Variants in MCTP1 observed in about 807,000 individuals in gnomAD.
MCTP1 encodes multiple C2 and transmembrane domain-containing protein 1.
In MCTP1, 69 loss-of-function variants were observed where a neutral mutation model predicts 120.6. That is an observed-to-expected ratio of 0.57 (90% confidence interval 0.47 to 0.70). The LOEUF (loss-of-function observed/expected upper bound fraction) is 0.70, where lower values mean the gene tolerates loss of function less well. MCTP1 is among the 30% of genes least tolerant of loss of function. MCTP1 has a pLI of 0.00. For synonymous variants in MCTP1, 529 were observed against 493.1 expected, an observed-to-expected ratio of 1.07 and a Z score of -0.96; for missense variants, 1,203 against 1,248.8, an observed-to-expected ratio of 0.96 and a Z score of 0.55.
Position 95,057,023 on chromosome 5 carries a change from T to G in MCTP1, c.721-39539A>C, listed in dbSNP as rs192882666. ...TTGCTTATAGATATATACATATTCA[T>G]ATAAGATTAAAAGGGGATTGAAAAA... On this transcript the variant is annotated intron_variant, in intron 1 of 22. Transcript: ENST00000515393. 1.8e-4 allele frequency among the ~76,000 whole-genome samples: 27 copies of G among 152,304 alleles called. No individual in the cohort carries two copies. In the East Asian group the frequency reaches 3.5e-3, roughly 20 times the overall value.
chr5:94,769,714 C>T lies in MCTP1; in HGVS notation c.2610+9396G>A, dbSNP rs377763303. Among the ~76,000 whole-genome samples the T allele has an allele frequency of 3.0e-4, 46 of 152,044 alleles. No homozygotes were observed. The East Asian group carries it at 5.8e-3, about 19-fold the overall frequency. On this transcript the variant is annotated intron_variant, in intron 19 of 22. Transcript: ENST00000515393. ...TCTTTTTCTTTATATAAAAACAGGT[C>T]GATTTTTAAACTCTGGGACTTTACT...
chr5:95,135,305 G>T (rs1759370664), intron 1 of MCTP1, among the ~76,000 whole-genome samples: 1 of 152,078 alleles, frequency 6.6e-6, no homozygotes, highest in Admixed American at 6.6e-5. Flanking sequence ...ACACTATGGT[G>T]GTGAATTGAG....
At chr5:94,982,029 T>C (rs570825933) in intron 2 of MCTP1, among the ~76,000 whole-genome samples, 4 of 152,294 alleles carry the variant, frequency 2.6e-5, no homozygotes, top group African/African-American at 7.2e-5. Flanking sequence ...AAAAACAGAA[T>C]GTACTTAAAG....
intron 17 of MCTP1, among the ~76,000 whole-genome samples, chr5:94,855,065 A>G (rs1794480113): frequency 6.6e-6 from 1 of 151,712 alleles, no homozygotes; most frequent in African/African-American, 2.4e-5. Flanking sequence ...AAAACTCTAA[A>G]CAGGTGTTTG....
intron 19 of MCTP1, among the ~76,000 whole-genome samples, chr5:94,717,821 A>T (rs555496451): frequency 2.1e-4 from 32 of 152,298 alleles, no homozygotes; most frequent in African/African-American, 7.5e-4. Context: ...AAGGGAAGGG[A>T]AGGACCTCTT....
intron 1 of MCTP1, among the ~76,000 whole-genome samples, chr5:95,112,609 A>T (rs1317625746): frequency 6.6e-6 from 1 of 152,238 alleles, no homozygotes; most frequent in Non-Finnish European, 1.5e-5. Context: ...ACAAAATATC[A>T]GATTTTACCT....
chr5:94,841,196 A>T (rs1016217937), intron 17 of MCTP1, among the ~76,000 whole-genome samples: 1 of 152,200 alleles, frequency 6.6e-6, no homozygotes, highest in Non-Finnish European at 1.5e-5. Flanking sequence ...AGGAATAGAA[A>T]GGCATATCCC....
intron 1 of MCTP1, among the ~76,000 whole-genome samples, chr5:95,134,403 C>G (rs898080686): frequency 6.6e-6 from 1 of 152,166 alleles, no homozygotes; most frequent in Non-Finnish European, 1.5e-5. Context: ...ACAAACCATT[C>G]CAGCTTAGTG....
At chr5:94,886,578 T>C (rs1457324499) in intron 12 of MCTP1, among the ~76,000 whole-genome samples, 1 of 152,236 alleles carries the variant, frequency 6.6e-6, no homozygotes, top group African/African-American at 2.4e-5. Flanking sequence ...ATTTGTACCA[T>C]GTTAGAAAAT....
At chr5:94,800,387 T>C (rs1377906729) in intron 17 of MCTP1, among the ~76,000 whole-genome samples, 1 of 152,180 alleles carries the variant, frequency 6.6e-6, no homozygotes, top group Non-Finnish European at 1.5e-5. Flanking sequence ...ATCTTGCATT[T>C]GATAGGTCAG....
chr5:94,905,087 T>C (rs1581268979), intron 10 of MCTP1, among the ~76,000 whole-genome samples: 1 of 152,144 alleles, frequency 6.6e-6, no homozygotes, highest in African/African-American at 2.4e-5. Context: ...GAGACATTGG[T>C]GCACAGATCT....
At chr5:94,790,354 A>G (rs1170179714) in intron 18 of MCTP1, among the ~76,000 whole-genome samples, 1 of 152,248 alleles carries the variant, frequency 6.6e-6, no homozygotes, top group Non-Finnish European at 1.5e-5. Context: ...GGCACGCAAG[A>G]GAAAAAGAGG....
chr5:95,272,950 C>A (rs544830330), intron 1 of MCTP1, among the ~76,000 whole-genome samples: 1 of 152,312 alleles, frequency 6.6e-6, no homozygotes, highest in East Asian at 1.9e-4. Context: ...ACAGCCAAAC[C>A]CCATTACTGT....
intron 10 of MCTP1, among the ~76,000 whole-genome samples, chr5:94,897,438 C>A (rs1201856978): frequency 6.6e-6 from 1 of 152,102 alleles, no homozygotes; most frequent in Non-Finnish European, 1.5e-5. Flanking sequence ...CTCACCGTAA[C>A]CTCTGTCTCC....
At chr5:95,223,401 CGA>C (rs1222475953) in intron 1 of MCTP1, among the ~76,000 whole-genome samples, 1 of 151,966 alleles carries the variant, frequency 6.6e-6, no homozygotes, top group Non-Finnish European at 1.5e-5. Context: ...CAGTGAGCCA[CGA>C]TCTCACCACT....
rs558162114 is a variant in MCTP1 at position 94,757,131 on chromosome 5, C to T, written c.2610+21979G>A. On this transcript the variant is annotated intron_variant, in intron 19 of 22. Transcript: ENST00000515393. ...GAAGAAGAAATGAGATAACGCACAT[C>T]AAGTCCTCAGCATAGTGCTGAGCAA... Among the ~76,000 whole-genome samples the T allele has an allele frequency of 8.5e-5, 13 of 152,284 alleles. No homozygotes were observed. In the East Asian group the frequency reaches 2.5e-3, roughly 29 times the overall value.
At chr5:94,732,825 T>A (rs976202089) in intron 19 of MCTP1, among the ~76,000 whole-genome samples, 1 of 152,230 alleles carries the variant, frequency 6.6e-6, no homozygotes, top group African/African-American at 2.4e-5. Context: ...TTGGACTTTC[T>A]AGCCTCCAGA....
chr5:95,272,076 T>C (rs1329343598), intron 1 of MCTP1, among the ~76,000 whole-genome samples: 1 of 152,172 alleles, frequency 6.6e-6, no homozygotes, highest in East Asian at 1.9e-4. Context: ...GGCATTCTTC[T>C]GGTTATCTTT....
intron 19 of MCTP1, among the ~76,000 whole-genome samples, chr5:94,715,656 G>A (rs1218332652): frequency 6.6e-6 from 1 of 152,148 alleles, no homozygotes; most frequent in African/African-American, 2.4e-5. Context: ...GTGACCCTAG[G>A]AGAAATGTGC....
Sources: gnomAD v4.1 joint callset for allele counts (sites outside exome capture counted in the v4.1 genomes callset) on GRCh38, gnomAD v4.1.1 for gene constraint, MANE v1.5 for transcripts, NCBI Gene and HGNC (gene_info 2026-07-23, HGNC 2026-07-21) for gene names.